The following NCAM2 variants were observed in gnomAD, a reference collection of about 807,000 sequenced individuals.
NCAM2 encodes the protein N-CAM-2.
A neutral mutation model predicts 98.1 loss-of-function variants in NCAM2; 30 were observed. The ratio of observed to expected loss-of-function variants is 0.31; its 90% CI spans 0.23 to 0.41. NCAM2 has a LOEUF of 0.41. Ranked by LOEUF, NCAM2 falls within the 10% of genes least tolerant of loss-of-function variation. The pLI is 1.00. For missense variants in NCAM2, 867 were observed against 1,005.8 expected (o/e 0.86, Z 1.87); for synonymous variants, 368 against 342.4 (o/e 1.07, Z -0.83).
Position 21,193,185 on chromosome 21 carries a change from G to A in NCAM2, c.56-87393G>A, listed in dbSNP as rs532033888. Among the ~76,000 whole-genome samples the A allele has an allele frequency of 2.0e-5, 3 of 152,256 alleles. No homozygotes were observed. In the South Asian group the frequency reaches 6.2e-4, roughly 32 times the overall value. ...TCTCTGTGTCTATCATGTCTAGCCAGTCTGCATCCATAATAAGCACTCAGA... is the reference window on the plus strand; with the variant it reads ...TCTCTGTGTCTATCATGTCTAGCCAATCTGCATCCATAATAAGCACTCAGA... On this transcript the variant is annotated intron_variant, in intron 1 of 17. Transcript: ENST00000400546.
chr21:21,418,276 A>T (rs1164889647), intron 10 of NCAM2, among the ~76,000 whole-genome samples, 197 bp from the exon 11 acceptor site: 2 of 152,056 alleles, frequency 1.3e-5, no homozygotes, highest in Admixed American at 1.3e-4. Flanking sequence ...TCCTGTGGAT[A>T]TTACGGGCTC....
chr21:21,402,094 G>A (rs1427321833), intron 9 of NCAM2, among the ~76,000 whole-genome samples: 1 of 152,116 alleles, frequency 6.6e-6, no homozygotes, highest in African/African-American at 2.4e-5. Flanking sequence ...TATGAAATGA[G>A]TGCACCTTGA....
chr21:21,319,619 C>T (rs371498703), intron 5 of NCAM2, among the ~76,000 whole-genome samples: 28 of 152,116 alleles, frequency 1.8e-4, no homozygotes, highest in African/African-American at 6.5e-4. Context: ...CCAGCCTGTC[C>T]GACAGAGTGA....
At chr21:21,268,036 T>C (rs571358216) in intron 1 of NCAM2, among the ~76,000 whole-genome samples, 1 of 152,302 alleles carries the variant, frequency 6.6e-6, no homozygotes, top group East Asian at 1.9e-4. Flanking sequence ...TTGGTTCGGC[T>C]GCAGCATTTT....
At chr21:21,219,676 A>G (rs1485072679) in intron 1 of NCAM2, among the ~76,000 whole-genome samples, 1 of 152,200 alleles carries the variant, frequency 6.6e-6, no homozygotes, top group Non-Finnish European at 1.5e-5. Flanking sequence ...CTATAATTTT[A>G]TCATTATTTT....
At chr21:21,041,930 CT>C in intron 1 of NCAM2, among the ~76,000 whole-genome samples, 1 of 152,270 alleles carries the variant, frequency 6.6e-6, no homozygotes, top group East Asian at 1.9e-4. Flanking sequence ...ATCAGCTTAT[CT>C]TGTGGCTAAG....
At chr21:21,257,589 T>A (rs1412547988) in intron 1 of NCAM2, among the ~76,000 whole-genome samples, 1 of 152,164 alleles carries the variant, frequency 6.6e-6, no homozygotes, top group East Asian at 1.9e-4. Context: ...TGACTCTTTT[T>A]TTTATTTTTT....
chr21:21,508,268 T>G (rs1053979766), intron 15 of NCAM2, among the ~76,000 whole-genome samples: 1 of 152,154 alleles, frequency 6.6e-6, no homozygotes, highest in African/African-American at 2.4e-5. Flanking sequence ...GAAATACAGG[T>G]GATCCATTTC....
intron 15 of NCAM2, among the ~76,000 whole-genome samples, chr21:21,507,028 A>T: frequency 1.3e-5 from 2 of 152,086 alleles, no homozygotes; most frequent in East Asian, 3.9e-4. Flanking sequence ...CAAAATCACA[A>T]ATTGAATGAT....
intron 12 of NCAM2, among the ~76,000 whole-genome samples, chr21:21,455,549 C>A (rs1461214991): frequency 6.6e-6 from 1 of 151,666 alleles, no homozygotes; most frequent in Non-Finnish European, 1.5e-5. Context: ...TTTAACTTCT[C>A]CAGAAAACAT....
At chr21:21,522,144 TATGA>T (rs1328189990) in intron 16 of NCAM2, among the ~76,000 whole-genome samples, 2 of 147,920 alleles carry the variant, frequency 1.4e-5, no homozygotes, top group South Asian at 2.1e-4. Flanking sequence ...TATGAATATA[TATGA>T]ATGAATACTA....
In NCAM2 at chr21:21,292,138, G is replaced by C; in HGVS notation, c.516G>C (p.Gln172His). The C allele has an allele frequency of 6.2e-7, 1 of 1,611,046 alleles. No individual in the cohort carries two copies. The highest frequency in any genetic ancestry group is 8.5e-7 in the Non-Finnish European group (1 of 1,178,350). The change falls in exon 5 of 18, where the codon CAG becomes CAC. Residue 172 changes from glutamine to histidine, a missense_variant. Coordinates refer to ENST00000400546, the MANE Select transcript of NCAM2 (RefSeq NM_004540.5). ...RFAMLANNNL[Q>H]ILNINKSDEG... The stretch of plus-strand genomic sequence containing the variant: ...CTATGTTAGCAAACAATAACCTGCA[G>C]ATTCTCAACATCAATAAAAGTGATG...
chr21:21,029,560 T>G (rs2064629302), intron 1 of NCAM2, among the ~76,000 whole-genome samples: 2 of 152,214 alleles, frequency 1.3e-5, no homozygotes, highest in African/African-American at 4.8e-5. Flanking sequence ...CTTTCAGAAT[T>G]AGAAAACAAA....
At chr21:21,377,605 A>G (rs2076062004) in intron 9 of NCAM2, among the ~76,000 whole-genome samples, 1 of 151,944 alleles carries the variant, frequency 6.6e-6, no homozygotes, top group South Asian at 2.1e-4. Context: ...TTTATGGGGT[A>G]CAATGTAATT....
intron 5 of NCAM2, among the ~76,000 whole-genome samples, chr21:21,311,334 C>CTTTTTTTTTTTT (rs1568919300): frequency 8.6e-6 from 1 of 115,882 alleles, no homozygotes; most frequent in African/African-American, 3.2e-5. Flanking sequence ...AAATATGGGG[C>CTTTTTTTTTTTT]ATTTTTTTTT....
intron 1 of NCAM2, chr21:21,210,535 T>C (rs2069610663): frequency 7.8e-7 from 1 of 1,286,242 alleles, no homozygotes; most frequent in Admixed American, 2.3e-5. Context: ...CAATTTCTTC[T>C]TTCAGAGTTA....
chr21:21,209,123 GA>G (rs2069549750), intron 1 of NCAM2, among the ~76,000 whole-genome samples: 1 of 152,090 alleles, frequency 6.6e-6, no homozygotes, highest in South Asian at 2.1e-4. Flanking sequence ...GTCCTATTAA[GA>G]GATAACTTTG....
At chr21:21,061,203 C>A (rs9680265) in intron 1 of NCAM2, among the ~76,000 whole-genome samples, 1 of 151,942 alleles carries the variant, frequency 6.6e-6, no homozygotes, top group Non-Finnish European at 1.5e-5. Flanking sequence ...TTGATATTTC[C>A]GTTCTAAAAG....
intron 3 of NCAM2, among the ~76,000 whole-genome samples, chr21:21,285,640 A>AT (rs1383610997): frequency 6.6e-6 from 1 of 151,982 alleles, no homozygotes; most frequent in Non-Finnish European, 1.5e-5. Context: ...TTCTGTGAGA[A>AT]TTTCTCATCA....
Sources: allele counts gnomAD v4.1 joint callset (sites outside exome capture counted in the v4.1 genomes callset), GRCh38; gene constraint gnomAD v4.1.1; transcripts MANE v1.5; gene names NCBI Gene and HGNC (gene_info 2026-07-23, HGNC 2026-07-21).